Variants in PRKG1 observed in about 807,000 individuals in gnomAD.
The protein encoded by PRKG1 is cGMP-dependent protein kinase 1.
Under a neutral mutation model 88.1 loss-of-function variants are expected in PRKG1, and 35 were observed. The ratio of observed to expected loss-of-function variants is 0.40; its 90% CI spans 0.30 to 0.53. The LOEUF (loss-of-function observed/expected upper bound fraction) is 0.53. Ranked by LOEUF, PRKG1 falls within the 20% of genes least tolerant of loss-of-function variation. The pLI is 0.59. For synonymous variants in PRKG1, 303 were observed against 292.5 expected, an observed-to-expected ratio of 1.04 and a Z score of -0.37; for missense variants, 540 against 839.8, an observed-to-expected ratio of 0.64 and a Z score of 4.41.
chr10:52,040,789 CT>C (rs1167707150), intron 5 of PRKG1, among the ~76,000 whole-genome samples: 1 of 145,872 alleles, frequency 6.9e-6, no homozygotes, highest in Non-Finnish European at 1.5e-5. Context: ...CTTTTTCTCG[CT>C]TAAGTATGAT....
chr10:51,630,719 C>T lies in PRKG1; in HGVS notation c.592+162883C>T, dbSNP rs559929573. 7.6e-4 allele frequency among the ~76,000 whole-genome samples: 116 copies of T among 152,282 alleles called. 2 individuals are homozygous for T. The South Asian group carries it at 0.022, about 29-fold the overall frequency. On this transcript the variant is annotated intron_variant, in intron 3 of 17. Transcript: ENST00000373980. ...CAGTATCCTCTGCTATTCATCAAAT[C>T]GTCTAGTTATGTTGCTAGCCGAAAG... is the stretch of plus-strand genomic sequence containing the variant.
chr10:52,024,316 A>AT (rs201621834), intron 5 of PRKG1, among the ~76,000 whole-genome samples: 23,626 of 131,426 alleles, frequency 0.18, 2,084 homozygotes, highest in East Asian at 0.36. Context: ...TATTTATTTA[A>AT]CTTTTTTTTT....
At chr10:51,153,690 T>C (rs1846135381) in intron 2 of PRKG1, among the ~76,000 whole-genome samples, 1 of 152,038 alleles carries the variant, frequency 6.6e-6, no homozygotes, top group African/African-American at 2.4e-5. Flanking sequence ...GCCGATAATT[T>C]AAGCATCTTC....
chr10:51,219,436 G>A (rs945808191), intron 2 of PRKG1, among the ~76,000 whole-genome samples: 3 of 152,084 alleles, frequency 2.0e-5, no homozygotes, highest in South Asian at 2.1e-4. Flanking sequence ...GCGGCCGGGC[G>A]CAGTGGCTCA....
intron 3 of PRKG1, among the ~76,000 whole-genome samples, chr10:51,511,483 C>G (rs1841404539): frequency 6.6e-6 from 1 of 151,928 alleles, no homozygotes; most frequent in South Asian, 2.1e-4. Context: ...TGAAGCCCTG[C>G]AAGTTGGTAT....
intron 5 of PRKG1, among the ~76,000 whole-genome samples, chr10:52,043,849 G>GAA (rs1309859059): frequency 3.4e-5 from 3 of 88,556 alleles, no homozygotes; most frequent in Non-Finnish European, 7.7e-5. Context: ...AAAAAATTTT[G>GAA]GAAAAAAAAA....
intron 2 of PRKG1, among the ~76,000 whole-genome samples, chr10:51,250,776 C>T (rs529219925): frequency 2.6e-5 from 4 of 151,828 alleles, no homozygotes; most frequent in African/African-American, 9.6e-5. Flanking sequence ...CCCCTTTACT[C>T]ACATTATTAC....
chr10:51,336,774 T>G (rs1161166446), intron 2 of PRKG1, among the ~76,000 whole-genome samples: 2 of 152,182 alleles, frequency 1.3e-5, no homozygotes, highest in Non-Finnish European at 2.9e-5. Flanking sequence ...GTTCACAGGA[T>G]TTGGCCAAAA....
chr10:51,258,955 T>C (rs376757675), intron 2 of PRKG1, among the ~76,000 whole-genome samples: 2 of 152,360 alleles, frequency 1.3e-5, no homozygotes, highest in African/African-American at 4.8e-5. Flanking sequence ...TTCAATATTT[T>C]ACTTTTTGAA....
At chr10:52,147,037 T>C (rs1837747487) in intron 8 of PRKG1, among the ~76,000 whole-genome samples, 1 of 152,194 alleles carries the variant, frequency 6.6e-6, no homozygotes, top group Admixed American at 6.6e-5. Context: ...AACTTAATTA[T>C]GGACAGAATC....
At chr10:51,537,139 T>A (rs1384392406) in intron 3 of PRKG1, among the ~76,000 whole-genome samples, 1 of 152,166 alleles carries the variant, frequency 6.6e-6, no homozygotes, top group East Asian at 1.9e-4. Flanking sequence ...GCTACCTATG[T>A]AATGATCATA....
intron 3 of PRKG1, among the ~76,000 whole-genome samples, chr10:51,673,539 G>A (rs538596083): frequency 6.6e-6 from 1 of 152,270 alleles, no homozygotes; most frequent in African/African-American, 2.4e-5. Flanking sequence ...CCACTGTGAA[G>A]TATTTTTATT....
chr10:51,102,956 T>C (rs144787256), intron 1 of PRKG1, among the ~76,000 whole-genome samples: 156 of 151,222 alleles, frequency 1.0e-3, no homozygotes, highest in Admixed American at 2.8e-3. Context: ...TAAGAGAAAA[T>C]AGTATATGAA....
intron 4 of PRKG1, among the ~76,000 whole-genome samples, chr10:51,869,283 G>A (rs1240861834): frequency 3.3e-5 from 5 of 152,050 alleles, no homozygotes; most frequent in Admixed American, 6.6e-5. Context: ...TTACCCATGT[G>A]TTTGATGTGC....
At chr10:51,280,797 G>A (rs1840273726) in intron 2 of PRKG1, among the ~76,000 whole-genome samples, 1 of 152,106 alleles carries the variant, frequency 6.6e-6, no homozygotes, top group African/African-American at 2.4e-5. Flanking sequence ...TAGCTTCTTT[G>A]CGATGGGTTC....
chr10:51,273,563 C>G (rs1384105128), intron 2 of PRKG1, among the ~76,000 whole-genome samples: 1 of 152,124 alleles, frequency 6.6e-6, no homozygotes, highest in Non-Finnish European at 1.5e-5. Context: ...AAGCAGTAAT[C>G]TGGCAGTTTT....
chr10:51,190,978 G>T (rs1006566881), intron 2 of PRKG1, among the ~76,000 whole-genome samples: 3 of 151,724 alleles, frequency 2.0e-5, no homozygotes, highest in African/African-American at 4.8e-5. Flanking sequence ...GATCACACTG[G>T]GTTCCCATAC....
chr10:51,939,969 G>A (rs566165981), intron 5 of PRKG1, among the ~76,000 whole-genome samples: 12 of 151,934 alleles, frequency 7.9e-5, no homozygotes, highest in Admixed American at 5.2e-4. Context: ...TTCAATGAAT[G>A]GAGTCTTTTA....
intron 5 of PRKG1, among the ~76,000 whole-genome samples, chr10:51,983,812 T>C (rs763207747): frequency 4.6e-5 from 7 of 152,182 alleles, no homozygotes; most frequent in Admixed American, 2.6e-4. Flanking sequence ...GCTTGCGCCT[T>C]TGCCAGTTCA....
Sources: allele counts gnomAD v4.1 joint callset (sites outside exome capture counted in the v4.1 genomes callset), GRCh38; gene constraint gnomAD v4.1.1; transcripts MANE v1.5; gene names NCBI Gene and HGNC (gene_info 2026-07-23, HGNC 2026-07-21).